Variants in HS3ST5 observed in about 807,000 individuals in gnomAD.
The protein encoded by HS3ST5 is heparan sulfate-glucosamine 3-sulfotransferase 5, also known as heparan sulfate glucosamine 3-O-sulfotransferase 5.
In HS3ST5, 10 loss-of-function variants were observed where a neutral mutation model predicts 25.4. The observed-to-expected ratio is 0.39, with a 90% confidence interval of 0.24 to 0.67. The LOEUF (loss-of-function observed/expected upper bound fraction) is 0.67. Ranked by LOEUF, HS3ST5 falls within the 30% of genes least tolerant of loss-of-function variation. The pLI is 0.44. For missense variants in HS3ST5, 324 were observed against 420.7 expected (o/e 0.77, Z 2.01); for synonymous variants, 170 against 162.4 (o/e 1.05, Z -0.36).
At chr6:114,238,725 T>C (rs1771970735) in intron 1 of HS3ST5, among the ~76,000 whole-genome samples, 1 of 152,162 alleles carries the variant, frequency 6.6e-6, no homozygotes, top group South Asian at 2.1e-4. Flanking sequence ...TTTTGCGAGA[T>C]GGATAATAGA....
chr6:114,293,910 A>G (rs550829955), intron 1 of HS3ST5, among the ~76,000 whole-genome samples: 1 of 152,200 alleles, frequency 6.6e-6, no homozygotes, highest in Non-Finnish European at 1.5e-5. Context: ...CCCCATGGAG[A>G]CACACTTCAG....
intron 2 of HS3ST5, among the ~76,000 whole-genome samples, chr6:114,223,584 G>A (rs962886717): frequency 6.6e-6 from 1 of 151,742 alleles, no homozygotes; most frequent in Non-Finnish European, 1.5e-5. Flanking sequence ...ATTATATCCT[G>A]CTGTTTAGAA....
intron 3 of HS3ST5, among the ~76,000 whole-genome samples, chr6:114,130,319 T>C (rs1178617999): frequency 6.6e-6 from 1 of 152,332 alleles, no homozygotes; most frequent in East Asian, 1.9e-4. Flanking sequence ...TTTTACACAA[T>C]GAGAGAGAAA....
At chr6:114,079,521 A>G (rs1774331325) in intron 3 of HS3ST5, among the ~76,000 whole-genome samples, 1 of 152,130 alleles carries the variant, frequency 6.6e-6, no homozygotes, top group South Asian at 2.1e-4. Context: ...TTCTCTTGCT[A>G]TTTCTACCAT....
intron 4 of HS3ST5, 107 bp from the exon 5 acceptor site, chr6:114,058,297 C>T: frequency 1.3e-6 from 1 of 790,472 alleles, no homozygotes. Context: ...CCACTGGTTC[C>T]CAGCCTGCTG....
intron 3 of HS3ST5, among the ~76,000 whole-genome samples, chr6:114,069,575 G>A (rs1407386279): frequency 3.4e-5 from 5 of 147,014 alleles, no homozygotes; most frequent in Non-Finnish European, 7.4e-5. Context: ...CTGGATTGCA[G>A]TGGCACGATC....
At chr6:114,125,588 GT>G (rs566816679) in intron 3 of HS3ST5, among the ~76,000 whole-genome samples, 129 of 152,252 alleles carry the variant, frequency 8.5e-4, no homozygotes, top group Non-Finnish European at 1.8e-3. Flanking sequence ...GTTAGGTAGA[GT>G]TTTACTCCTA....
intron 1 of HS3ST5, among the ~76,000 whole-genome samples, chr6:114,323,202 A>T (rs1178546955): frequency 6.6e-6 from 1 of 152,160 alleles, no homozygotes; most frequent in East Asian, 1.9e-4. Flanking sequence ...GAATGAAGGG[A>T]GACTCTTTTA....
intron 3 of HS3ST5, chr6:114,088,826 G>C (rs1774980140): frequency 1.3e-5 from 2 of 152,040 alleles, no homozygotes; most frequent in African/African-American, 4.8e-5. Context: ...AGATTTTGTA[G>C]GTCCTTAGAG....
intron 2 of HS3ST5, among the ~76,000 whole-genome samples, chr6:114,192,513 A>G (rs1296700726): frequency 1.3e-5 from 2 of 152,152 alleles, no homozygotes; most frequent in Non-Finnish European, 1.5e-5. Context: ...CACCTCTTCC[A>G]CCCAGGTTTT....
At chr6:114,142,929 A>G (rs1777980715) in intron 3 of HS3ST5, 1 of 152,224 alleles carries the variant, frequency 6.6e-6, no homozygotes, top group Admixed American at 6.5e-5. Flanking sequence ...AAACACATTA[A>G]CGGGGAAAAA....
chr6:114,143,953 G>T (rs1224776104), intron 3 of HS3ST5: 1 of 152,354 alleles, frequency 6.6e-6, no homozygotes, highest in African/African-American at 2.4e-5. Flanking sequence ...AATCTGGTCT[G>T]TATATATGTC....
intron 1 of HS3ST5, among the ~76,000 whole-genome samples, chr6:114,260,856 A>AG (rs1773139198): frequency 6.6e-6 from 1 of 152,202 alleles, no homozygotes; most frequent in African/African-American, 2.4e-5. Context: ...AATGGCAAAA[A>AG]AGGAAGCTGG....
chr6:114,325,752 T>C lies in HS3ST5; in HGVS notation c.-339+16443A>G, dbSNP rs544283841. Among the ~76,000 whole-genome samples the C allele has an allele frequency of 6.6e-5, 10 of 152,318 alleles. No homozygotes were observed. In the South Asian group the frequency reaches 2.1e-3, roughly 32 times the overall value. On this transcript the variant is annotated intron_variant, in intron 1 of 4. Transcript: ENST00000312719. ...TGGCAAGTTTTGCTAAATTATTTTC[T>C]ATTTAGAGTTACTAGATGGATCTCA...
intron 1 of HS3ST5, among the ~76,000 whole-genome samples, chr6:114,297,361 T>C (rs979434950): frequency 1.3e-5 from 2 of 152,196 alleles, no homozygotes; most frequent in South Asian, 4.2e-4. Flanking sequence ...CCATTTCGGA[T>C]ACGCAGGGAA....
At position 114,338,069 on chromosome 6, in the gene HS3ST5, A is replaced by G. The variant is rs942450859; in HGVS notation, c.-339+4126T>C. Among the ~76,000 whole-genome samples, 2 of 152,032 alleles carry G rather than the reference A, an allele frequency of 1.3e-5. 1 individual carries two copies. The highest frequency in any genetic ancestry group is 4.8e-5 in the African/African-American group (2 of 41,420). ...CATTGTCAGGCACATAATAAAATTT[A>G]TTGCAAGTGTTTCTTAAATAAATTA... is the stretch of plus-strand genomic sequence containing the variant. On this transcript the variant is annotated intron_variant, in intron 1 of 4. Coordinates refer to ENST00000312719, the MANE Select transcript of HS3ST5 (RefSeq NM_153612.4).
intron 3 of HS3ST5, among the ~76,000 whole-genome samples, chr6:114,159,774 C>T (rs368293903): frequency 6.6e-6 from 1 of 152,182 alleles, no homozygotes; most frequent in Non-Finnish European, 1.5e-5. Flanking sequence ...AAAAAATTTT[C>T]TGGCACAATG....
chr6:114,278,447 T>C (rs1773962551), intron 1 of HS3ST5, among the ~76,000 whole-genome samples: 1 of 151,916 alleles, frequency 6.6e-6, no homozygotes, highest in African/African-American at 2.4e-5. Flanking sequence ...AATAGTGAAG[T>C]CCAACAAAAT....
At chr6:114,188,803 A>G (rs1444276625) in intron 2 of HS3ST5, among the ~76,000 whole-genome samples, 1 of 152,098 alleles carries the variant, frequency 6.6e-6, no homozygotes, top group African/African-American at 2.4e-5. Context: ...TGATTATTAT[A>G]ACTATTATTA....
Sources: allele counts gnomAD v4.1 joint callset (sites outside exome capture counted in the v4.1 genomes callset), GRCh38; gene constraint gnomAD v4.1.1; transcripts MANE v1.5; gene names NCBI Gene and HGNC (gene_info 2026-07-23, HGNC 2026-07-21).